LGALS9: variants seen among roughly 807,000 people sequenced by gnomAD.
The protein encoded by LGALS9 is galectin 9.
LGALS9 carries 26 observed loss-of-function variants against 35.9 expected under a neutral mutation model. The observed-to-expected ratio is 0.72, with a 90% CI of 0.53 to 1.01. The LOEUF (loss-of-function observed/expected upper bound fraction) is 1.01. LGALS9 is among the 50% of genes least tolerant of loss of function. The pLI is 0.00. For missense variants in LGALS9, 347 were observed against 445.8 expected, an observed-to-expected ratio of 0.78 and a Z score of 1.99; for synonymous variants, 149 against 172.2, an observed-to-expected ratio of 0.87 and a Z score of 1.06.
chr17:27,639,694 G>A (rs9891080), intron 2 of LGALS9, among the ~76,000 whole-genome samples: 35,715 of 151,762 alleles, frequency 0.24, 4,317 homozygotes, highest in Admixed American at 0.31. Context: ...CTCAGCCTCC[G>A]GAGCAGCTGG....
At chr17:27,636,817 AT>A (rs1011512026) in intron 1 of LGALS9, among the ~76,000 whole-genome samples, 2 of 152,066 alleles carry the variant, frequency 1.3e-5, no homozygotes, top group African/African-American at 2.4e-5. Flanking sequence ...CCCCCAAGAA[AT>A]TAGAAAGTTT....
In LGALS9 at chr17:27,643,459, C is replaced by T; in HGVS notation, c.445-66C>T. 5.0e-6 allele frequency: 8 copies of T among 1,603,470 alleles called. No individual in the cohort carries two copies. The South Asian group carries it at 7.8e-5, about 16-fold the overall frequency. On this transcript the variant is annotated intron_variant, in intron 4 of 10. Coordinates refer to ENST00000395473, the MANE Select transcript of LGALS9 (RefSeq NM_009587.3). The stretch of plus-strand genomic sequence containing the variant: ...TCTCTCCCTCTTGCCCCTGCCTCTG[C>T]CTTTCGGCTTCTCCTTGGCTCTATT...
intron 10 of LGALS9, among the ~76,000 whole-genome samples, chr17:27,647,816 G>A (rs1905058102): frequency 6.6e-6 from 1 of 152,236 alleles, no homozygotes; most frequent in South Asian, 2.1e-4. Flanking sequence ...ACACAGACAG[G>A]GTCCTGCCTC....
At chr17:27,631,350 C>G (rs746433328) in intron 1 of LGALS9, 46 bp downstream of exon 1, 12 of 1,612,376 alleles carry the variant, frequency 7.4e-6, no homozygotes, top group Non-Finnish European at 1.0e-5. Flanking sequence ...GCCAGAGGGA[C>G]ACAGCTCTGG....
At chr17:27,648,578 T>C (rs759696250) in intron 10 of LGALS9, among the ~76,000 whole-genome samples, 6 of 152,142 alleles carry the variant, frequency 3.9e-5, no homozygotes, top group Non-Finnish European at 7.3e-5. Flanking sequence ...GTGCTGGGCC[T>C]GAGGGATACA....
chr17:27,640,956 AATCTAC>A (rs1904449476), intron 3 of LGALS9, 183 bp downstream of exon 3: 1 of 924,860 alleles, frequency 1.1e-6, no homozygotes, highest in Non-Finnish European at 1.7e-6. Flanking sequence ...CCTTCATCTG[AATCTAC>A]AGGTGCACCT....
In LGALS9 at chr17:27,631,230, G is replaced by A; in HGVS notation, c.-36G>A. ...CTCTACAAAGGACTTCCTAGTGGGT[G>A]TGAAAGGCAGCGGTGGCCACAGAGG... On this transcript the variant is annotated 5_prime_UTR_variant, in exon 1 of 11. The change creates a new upstream start codon in the 5' untranslated region. Coordinates refer to ENST00000395473, the MANE Select transcript of LGALS9 (RefSeq NM_009587.3). The A allele has an allele frequency of 6.2e-7, 1 of 1,614,124 alleles. No individual in the cohort carries two copies. Among genetic ancestry groups the A allele is most frequent in the Non-Finnish European group, 8.5e-7 (1 of 1,179,974 alleles).
chr17:27,648,129 T>C (rs762639095), intron 10 of LGALS9, among the ~76,000 whole-genome samples: 3 of 152,248 alleles, frequency 2.0e-5, no homozygotes, highest in Non-Finnish European at 4.4e-5. Context: ...TTTAAAAATA[T>C]GCCTTAAGTG....
intron 7 of LGALS9, 46 bp downstream of exon 7, chr17:27,645,957 C>T: frequency 6.2e-7 from 1 of 1,612,664 alleles, no homozygotes; most frequent in Middle Eastern, 1.7e-4. Context: ...CAGTGTCCTC[C>T]TTCACCAAAA....
At chr17:27,637,634 AC>A (rs1163874463) in intron 1 of LGALS9, among the ~76,000 whole-genome samples, 1 of 152,220 alleles carries the variant, frequency 6.6e-6, no homozygotes, top group Admixed American at 6.5e-5. Flanking sequence ...GGGCTGCCCC[AC>A]GGCTACAGAA....
At chr17:27,648,254 A>G (rs1432168094) in intron 10 of LGALS9, among the ~76,000 whole-genome samples, 1 of 152,250 alleles carries the variant, frequency 6.6e-6, no homozygotes, top group Non-Finnish European at 1.5e-5. Context: ...CCAGGGAGCA[A>G]CATACTTTGA....
At chr17:27,638,756 C>T (rs1442155986) in intron 2 of LGALS9, 8 of 307,346 alleles carry the variant, frequency 2.6e-5, no homozygotes, top group Middle Eastern at 1.1e-3. Flanking sequence ...AAATTGCCAT[C>T]AAAAGTAATT....
Position 27,640,655 on chromosome 17 carries a change from T to A in LGALS9, c.215T>A (p.Val72Glu), listed in dbSNP as rs769544591. ...CCTCGGTTTGAAGATGGAGGGTACG[T>A]GGTGTGCAACACGAGGCAGAACGGA... The part of the protein sequence containing the change: ...FNPRFEDGGY[V>E]VCNTRQNGSW... The change falls in exon 3 of 11, where the codon GTG becomes GAG. Residue 72 changes from valine (V) to glutamate (E), a missense_variant. Coordinates refer to ENST00000395473, the MANE Select transcript of LGALS9 (RefSeq NM_009587.3). 3.7e-6 allele frequency: 6 copies of A among 1,614,100 alleles called. No individual in the cohort carries two copies. The East Asian group carries it at 1.3e-4, about 36-fold the overall frequency.
chr17:27,648,644 A>G (rs1447637856), intron 10 of LGALS9, among the ~76,000 whole-genome samples, 192 bp from the exon 11 acceptor site: 1 of 151,214 alleles, frequency 6.6e-6, no homozygotes, highest in Non-Finnish European at 1.5e-5. Context: ...ATTCTAGACC[A>G]GGGAACAGTA....
chr17:27,641,127 T>TC, intron 3 of LGALS9: 1 of 441,650 alleles, frequency 2.3e-6, no homozygotes, highest in East Asian at 5.9e-5. Flanking sequence ...GCGACATCGT[T>TC]CCAGCCTTTA....
At chr17:27,644,409 C>T (rs1403082563) in intron 5 of LGALS9, 1 of 152,594 alleles carries the variant, frequency 6.6e-6, no homozygotes, top group South Asian at 2.1e-4. Flanking sequence ...GCCCATGAGG[C>T]CCCAGAGGGC....
At chr17:27,645,601 C>T in intron 6 of LGALS9, 1 of 611,534 alleles carries the variant, frequency 1.6e-6, no homozygotes, top group Non-Finnish European at 2.9e-6. Context: ...CAAAGGGAGG[C>T]TAGGCTGAGA....
At chr17:27,637,573 C>T (rs2074466887) in intron 1 of LGALS9, among the ~76,000 whole-genome samples, 1 of 152,180 alleles carries the variant, frequency 6.6e-6, no homozygotes, top group Non-Finnish European at 1.5e-5. Flanking sequence ...CTCGGGGCTG[C>T]TGAGGGCCTG....
intron 10 of LGALS9, among the ~76,000 whole-genome samples, chr17:27,647,979 G>A (rs1014003891): frequency 7.2e-5 from 11 of 152,266 alleles, no homozygotes; most frequent in African/African-American, 2.2e-4. Flanking sequence ...GCAGAGGCAC[G>A]GGTGTGGCCT....
Sources: allele counts gnomAD v4.1 joint callset (sites outside exome capture counted in the v4.1 genomes callset), GRCh38; gene constraint gnomAD v4.1.1; transcripts MANE v1.5; gene names NCBI Gene and HGNC (gene_info 2026-07-23, HGNC 2026-07-21).